COPG2: variants seen among roughly 807,000 people sequenced by gnomAD.
COPG2 encodes coatomer subunit gamma-2.
Under a neutral mutation model 46.3 loss-of-function variants are expected in COPG2, and 37 were observed. The ratio of observed to expected loss-of-function variants is 0.80; its 90% CI spans 0.61 to 1.05. The LOEUF (loss-of-function observed/expected upper bound fraction) is 1.05. Ranked by LOEUF, COPG2 falls within the 50% of genes least tolerant of loss-of-function variation. COPG2 has a pLI of 0.00. For missense variants in COPG2, 427 were observed against 387.8 expected, an observed-to-expected ratio of 1.10 and a Z score of -0.85; for synonymous variants, 159 against 129.7, an observed-to-expected ratio of 1.23 and a Z score of -1.53.
At chr7:130,515,282 T>C (rs1287606748) in intron 20 of COPG2, among the ~76,000 whole-genome samples, 1 of 152,114 alleles carries the variant, frequency 6.6e-6, no homozygotes, top group African/African-American at 2.4e-5. Flanking sequence ...CTTACAATCA[T>C]GGCGGCAGGT....
At chr7:130,522,638 G>GGAAGAAAAGGAAATGTGCA (rs1293860348) in intron 20 of COPG2, among the ~76,000 whole-genome samples, 1 of 152,056 alleles carries the variant, frequency 6.6e-6, no homozygotes, top group East Asian at 1.9e-4. Flanking sequence ...GGATGCCAGA[G>GGAAGAAAAGGAAATGTGCA]GAAGAAAAGG....
chr7:130,667,334 CCT>C (rs1480108672), intron 2 of COPG2, 146 bp downstream of exon 2: 11 of 635,238 alleles, frequency 1.7e-5, no homozygotes, highest in South Asian at 9.7e-5. Context: ...ACAAGTAACC[CCT>C]CTTTCTTTTC....
At chr7:130,663,432 C>T (rs531113076) in intron 3 of COPG2, among the ~76,000 whole-genome samples, 1 of 152,150 alleles carries the variant, frequency 6.6e-6, no homozygotes, top group South Asian at 2.1e-4. Flanking sequence ...CAGCACAATG[C>T]CTAACATGTC....
intron 9 of COPG2, among the ~76,000 whole-genome samples, chr7:130,588,032 A>G (rs2116453817): frequency 6.6e-6 from 1 of 152,260 alleles, no homozygotes; most frequent in East Asian, 1.9e-4. Flanking sequence ...GCAACCAAAA[A>G]ACACATGAAA....
At chr7:130,509,147 C>T (rs1177540769) in intron 20 of COPG2, 7 of 443,020 alleles carry the variant, frequency 1.6e-5, no homozygotes, top group Non-Finnish European at 3.1e-5. Flanking sequence ...GGCGGGTCCA[C>T]AGATCACCAG....
chr7:130,510,015 G>A (rs1554440829), intron 20 of COPG2: 1 of 498,064 alleles, frequency 2.0e-6, no homozygotes, highest in South Asian at 1.5e-5. Flanking sequence ...TAATGCCTAG[G>A]TGCTGAGAAG....
chr7:130,528,936 A>G (rs1799799179), intron 20 of COPG2, among the ~76,000 whole-genome samples: 2 of 152,082 alleles, frequency 1.3e-5, no homozygotes, highest in South Asian at 4.2e-4. Context: ...TGTGGGTAAG[A>G]TAAGCAAGGA....
At chr7:130,528,121 G>A (rs956150478) in intron 20 of COPG2, among the ~76,000 whole-genome samples, 12 of 152,228 alleles carry the variant, frequency 7.9e-5, no homozygotes, top group East Asian at 1.9e-4. Context: ...CAGGAGGAGC[G>A]GAGGAGCCGG....
At chr7:130,592,211 G>A (rs1169781567) in intron 9 of COPG2, among the ~76,000 whole-genome samples, 7 of 152,150 alleles carry the variant, frequency 4.6e-5, no homozygotes, top group African/African-American at 1.2e-4. Flanking sequence ...CAGCATGCTC[G>A]TTAAGAGTCA....
At chr7:130,621,142 T>C (rs1245257045) in intron 5 of COPG2, among the ~76,000 whole-genome samples, 1 of 152,098 alleles carries the variant, frequency 6.6e-6, no homozygotes, top group Non-Finnish European at 1.5e-5. Flanking sequence ...GGAGCTAGGA[T>C]TCGAGGAATG....
chr7:130,556,837 C>T (rs1793634116), intron 12 of COPG2, among the ~76,000 whole-genome samples: 1 of 151,722 alleles, frequency 6.6e-6, no homozygotes, highest in Non-Finnish European at 1.5e-5. Context: ...AATAAACATT[C>T]TTGAAAAAAA....
At chr7:130,617,659 C>T (rs1223129013) in intron 5 of COPG2, among the ~76,000 whole-genome samples, 2 of 152,232 alleles carry the variant, frequency 1.3e-5, no homozygotes, top group African/African-American at 4.8e-5. Context: ...TTCTTTAGCT[C>T]CCCATGCATT....
chr7:130,558,681 T>G (rs905222612), intron 12 of COPG2, among the ~76,000 whole-genome samples: 73 of 152,230 alleles, frequency 4.8e-4, no homozygotes, highest in African/African-American at 1.7e-3. Context: ...CCACCATGTC[T>G]GACTAATTTT....
At chr7:130,583,707 A>G (rs1794204737) in intron 9 of COPG2, among the ~76,000 whole-genome samples, 1 of 142,154 alleles carries the variant, frequency 7.0e-6, no homozygotes, top group African/African-American at 2.6e-5. Flanking sequence ...TGGGAGGCTG[A>G]GGCAGGGGAA....
intron 5 of COPG2, 104 bp downstream of exon 5, chr7:130,652,765 C>A (rs1238391289): frequency 4.0e-6 from 3 of 748,250 alleles, no homozygotes; most frequent in Non-Finnish European, 2.3e-6. Context: ...ATATTATATT[C>A]TTTTAAATTC....
chr7:130,632,743 A>T (rs1388293467), intron 5 of COPG2, among the ~76,000 whole-genome samples: 6 of 151,572 alleles, frequency 4.0e-5, no homozygotes, highest in African/African-American at 1.5e-4. Flanking sequence ...TGAACCAATG[A>T]TTTTTTTTAT....
intron 9 of COPG2, among the ~76,000 whole-genome samples, chr7:130,597,457 T>C (rs1227791404): frequency 6.6e-6 from 1 of 152,200 alleles, no homozygotes; most frequent in Non-Finnish European, 1.5e-5. Flanking sequence ...TGTCCATGTG[T>C]TGTACCCCTG....
chr7:130,591,706 C>A (rs1174086089), intron 9 of COPG2, among the ~76,000 whole-genome samples: 2 of 148,922 alleles, frequency 1.3e-5, no homozygotes, highest in African/African-American at 5.0e-5. Flanking sequence ...GCCCAGCCAG[C>A]CGCCCAGTCC....
chr7:130,510,240 G>A (rs1799574164), intron 20 of COPG2: 1 of 519,658 alleles, frequency 1.9e-6, no homozygotes, highest in Admixed American at 1.9e-5. Flanking sequence ...GATGGCAGTG[G>A]GTTTTCCCAT....
Sources: gnomAD v4.1 joint callset for allele counts (sites outside exome capture counted in the v4.1 genomes callset) on GRCh38, gnomAD v4.1.1 for gene constraint, MANE v1.5 for transcripts, NCBI Gene and HGNC (gene_info 2026-07-23, HGNC 2026-07-21) for gene names.